Variants in ZNF43 observed in about 807,000 individuals in gnomAD.
ZNF43 encodes zinc finger protein 39-like 1 (KOX 27).
A neutral mutation model predicts 68.4 loss-of-function variants in ZNF43; 44 were observed. The ratio of observed to expected loss-of-function variants is 0.64; its 90% CI spans 0.51 to 0.83. ZNF43 has a LOEUF of 0.83. Ranked by LOEUF, ZNF43 falls within the 40% of genes least tolerant of loss-of-function variation. ZNF43 has a pLI of 0.00. For synonymous variants in ZNF43, 308 were observed against 307.8 expected (o/e 1.00, Z -0.01); for missense variants, 896 against 933.2 (o/e 0.96, Z 0.52).
intron 1 of ZNF43, 55 bp downstream of exon 1, chr19:21,835,981 C>T: frequency 1.2e-6 from 2 of 1,612,574 alleles, no homozygotes; most frequent in Non-Finnish European, 1.7e-6. Flanking sequence ...GCGGGAAGGC[C>T]TGAGTCACGC....
At chr19:21,848,616 C>G (rs1968124392) in intron 1 of ZNF43, among the ~76,000 whole-genome samples, 1 of 151,904 alleles carries the variant, frequency 6.6e-6, no homozygotes, top group Admixed American at 6.6e-5. Context: ...GTGCTGGGAC[C>G]AGTGATATGT....
At chr19:21,819,494 A>C (rs985631618) in intron 1 of ZNF43, among the ~76,000 whole-genome samples, 7 of 152,224 alleles carry the variant, frequency 4.6e-5, no homozygotes, top group African/African-American at 1.2e-4. Flanking sequence ...TAAGGGCATG[A>C]ACACAAAAGT....
At chr19:21,831,558 A>C (rs1335645597) in intron 1 of ZNF43, among the ~76,000 whole-genome samples, 1 of 152,040 alleles carries the variant, frequency 6.6e-6, no homozygotes, top group Admixed American at 6.6e-5. Context: ...ACAGGGTTTC[A>C]TCATGTTGGC....
At position 21,807,543 on chromosome 19, in the gene ZNF43, T is replaced by C. The variant is rs1369322361; in HGVS notation, c.*64A>G. 1 of 1,393,946 alleles carries C rather than the reference T, an allele frequency of 7.2e-7. No homozygotes were observed. Among genetic ancestry groups the C allele is most frequent in the Admixed American group, 2.7e-5 (1 of 37,512 alleles). The allele number at this position is 1,393,946 out of a possible 1,614,324, so 86.3% of individuals were successfully genotyped here. ...GTAAATTATCTTACCTACAATCAAGTGTGACAACCATGTAAAGCCTTTATC... is the reference window on the plus strand; with the variant it reads ...GTAAATTATCTTACCTACAATCAAGCGTGACAACCATGTAAAGCCTTTATC... On this transcript the variant is annotated 3_prime_UTR_variant, in exon 4 of 4. Transcript: ENST00000354959.
At chr19:21,812,524 A>G (rs2037327827) in intron 3 of ZNF43, among the ~76,000 whole-genome samples, 2 of 152,264 alleles carry the variant, frequency 1.3e-5, no homozygotes, top group Admixed American at 6.5e-5. Flanking sequence ...AGAAGCATTT[A>G]AAAAGACACA....
rs1373903939 is a variant in ZNF43, at chr19:21,817,881, C to G, written c.229+7G>C. ...TGTTTGTTGTATTCACTTTCACTCT[C>G]ACCTACCTGGGGGTTTGGCTACCAT... On this transcript the variant is annotated splice_region_variant and intron_variant, in intron 3 of 3. Coordinates refer to ENST00000354959, the MANE Select transcript of ZNF43 (RefSeq NM_003423.4). 4 of 1,611,636 alleles carry G rather than the reference C, an allele frequency of 2.5e-6. No individual in the cohort carries two copies. The East Asian group carries it at 6.7e-5, about 27-fold the overall frequency.
rs2036951413 is a variant in ZNF43 at position 21,806,554 on chromosome 19, A to C, written c.*1053T>G. 6.6e-6 allele frequency: 1 copy of C among 152,242 alleles called. No individual in the cohort carries two copies. The highest frequency in any genetic ancestry group is 2.1e-4 in the South Asian group (1 of 4,834). 9.4% of individuals were successfully genotyped at this position (152,242 alleles called of 1,614,324 possible). A position where few individuals can be genotyped will look rare whatever the true frequency, so the allele number is the denominator to read the frequency against. ...AAAGAATCTCTCATATCTTTGGTGC[A>C]GCAACAATTGGTCACATGCTTTCAC... On this transcript the variant is annotated 3_prime_UTR_variant, in exon 4 of 4. Coordinates refer to ENST00000354959, the MANE Select transcript of ZNF43 (RefSeq NM_003423.4).
chr19:21,829,763 G>A (rs748215331), intron 1 of ZNF43, among the ~76,000 whole-genome samples: 5 of 152,096 alleles, frequency 3.3e-5, no homozygotes, highest in Non-Finnish European at 7.4e-5. Flanking sequence ...CCAGGTCTCT[G>A]GACATATTGA....
chr19:21,851,890 A>C, intron 1 of ZNF43: 1 of 1,573,888 alleles, frequency 6.4e-7, no homozygotes. Context: ...GGGATGCCTA[A>C]CCCCGCACAC....
At chr19:21,817,071 G>A (rs1440544841) in intron 3 of ZNF43, among the ~76,000 whole-genome samples, 1 of 151,936 alleles carries the variant, frequency 6.6e-6, no homozygotes, top group African/African-American at 2.4e-5. Flanking sequence ...GCGAAACCCT[G>A]TCTCTACTAA....
intron 1 of ZNF43, chr19:21,827,196 C>T (rs2038176877): frequency 6.6e-6 from 1 of 152,154 alleles, no homozygotes; most frequent in South Asian, 2.1e-4. Flanking sequence ...GGTTTCTCTT[C>T]CATGTCTGCT....
intron 1 of ZNF43, among the ~76,000 whole-genome samples, chr19:21,829,389 T>C (rs1437014774): frequency 6.6e-6 from 1 of 152,218 alleles, no homozygotes; most frequent in African/African-American, 2.4e-5. Flanking sequence ...TTATTCAGTA[T>C]TTTTTAGTTT....
At chr19:21,849,287 T>C (rs957942031) in intron 1 of ZNF43, among the ~76,000 whole-genome samples, 6 of 149,586 alleles carry the variant, frequency 4.0e-5, no homozygotes, top group Admixed American at 1.3e-4. Flanking sequence ...TCGGGAGTTC[T>C]AGACTAGCCT....
chr19:21,827,654 G>A (rs941496141), intron 1 of ZNF43, among the ~76,000 whole-genome samples: 3 of 137,800 alleles, frequency 2.2e-5, no homozygotes, highest in Non-Finnish European at 4.6e-5. Context: ...GAGCTACTGC[G>A]CCTGGCCATT....
chr19:21,820,780 A>G (rs1015816164), intron 1 of ZNF43, among the ~76,000 whole-genome samples: 6 of 147,512 alleles, frequency 4.1e-5, no homozygotes, highest in African/African-American at 1.5e-4. Context: ...CCATAAAGAA[A>G]TATCAGTTTT....
chr19:21,826,692 T>C (rs1212333083), intron 1 of ZNF43: 1 of 152,032 alleles, frequency 6.6e-6, no homozygotes, highest in Non-Finnish European at 1.5e-5. Context: ...GTAAATTAGC[T>C]GGGTGTGGTG....
At position 21,809,434 on chromosome 19, in the gene ZNF43, G is replaced by A; in HGVS notation, c.603C>T (p.Phe201=). The change falls in exon 4 of 4, where the codon TTC becomes TTT. Residue 201 remains phenylalanine (F), a synonymous_variant. Transcript: ENST00000354959. ...CTTTTCCACATTTTTCACATTTGCA[G>A]AAATTCACTCTGGTATGAATTATTT... The part of the protein sequence containing the change: ...QHKIIHTRVN[F]CKCEKCGKAF... 6.2e-7 allele frequency: 1 copy of A among 1,613,672 alleles called. No individual in the cohort carries two copies. Among genetic ancestry groups the A allele is most frequent in the Non-Finnish European group, 8.5e-7 (1 of 1,179,814 alleles).
chr19:21,829,237 A>AT (rs2038307638), intron 1 of ZNF43, among the ~76,000 whole-genome samples: 1 of 151,828 alleles, frequency 6.6e-6, no homozygotes, highest in Non-Finnish European at 1.5e-5. Context: ...GGAAAAAAAA[A>AT]CAAAAAACAC....
chr19:21,839,244 G>A (rs1370737683), upstream of ZNF43, among the ~76,000 whole-genome samples: 2 of 136,904 alleles, frequency 1.5e-5, no homozygotes, highest in Non-Finnish European at 3.0e-5. Flanking sequence ...ATACCTTTCT[G>A]AACAGAGCCC....
Sources: allele counts gnomAD v4.1 joint callset (sites outside exome capture counted in the v4.1 genomes callset), GRCh38; gene constraint gnomAD v4.1.1; transcripts MANE v1.5; gene names NCBI Gene and HGNC (gene_info 2026-07-23, HGNC 2026-07-21).